The following TMEM50B variants were observed in gnomAD, a reference collection of about 807,000 sequenced individuals.
TMEM50B encodes transmembrane protein 50B.
TMEM50B carries 14 observed loss-of-function variants against 23.4 expected under a neutral mutation model. The ratio of observed to expected loss-of-function variants is 0.60; its 90% CI spans 0.39 to 0.93. TMEM50B has a LOEUF of 0.93. Among genes scored for constraint, TMEM50B ranks in the 40% least tolerant of loss-of-function variants. The pLI is 0.00. For missense variants in TMEM50B, 159 were observed against 193.0 expected, an observed-to-expected ratio of 0.82 and a Z score of 1.04; for synonymous variants, 64 against 62.3, an observed-to-expected ratio of 1.03 and a Z score of -0.13.
intron 3 of TMEM50B, 67 bp downstream of exon 3, chr21:33,466,943 A>G: frequency 8.1e-7 from 1 of 1,235,130 alleles, no homozygotes; most frequent in Non-Finnish European, 1.2e-6. Context: ...TCAAGAAAGC[A>G]CTGCACATTA....
Position 33,468,793 on chromosome 21 carries a change from A to G in TMEM50B, c.93T>C (p.Gly31=), listed in dbSNP as rs745527494. 27 of 1,613,490 alleles carry G rather than the reference A, an allele frequency of 1.7e-5. No homozygotes were observed. Among genetic ancestry groups the G allele is most frequent in the Admixed American group, 1.3e-4 (8 of 59,902 alleles). Residue 31 remains glycine, a synonymous_variant, in exon 2 of 7, where the codon GGT becomes GGC. Coordinates refer to ENST00000542230, the MANE Select transcript of TMEM50B (RefSeq NM_006134.7). The part of the protein sequence containing the change: ...RRNAVASVVA[G]ILFFTGWWIM... Reference sequence around the variant, plus strand: ...ACCAGTCTTTCTCACTTACCAATATACCTGCGACAACAGATGCCACAGCAT... The same window carrying G: ...ACCAGTCTTTCTCACTTACCAATATGCCTGCGACAACAGATGCCACAGCAT...
At chr21:33,442,906 G>C (rs965280030) in intron 7 of TMEM50B, among the ~76,000 whole-genome samples, 1 of 143,210 alleles carries the variant, frequency 7.0e-6, no homozygotes, top group Non-Finnish European at 1.5e-5. Context: ...GGCTAACAGA[G>C]AGAGACTCTG....
At chr21:33,459,608 C>T (rs1199720218) in intron 5 of TMEM50B, among the ~76,000 whole-genome samples, 2 of 147,202 alleles carry the variant, frequency 1.4e-5, no homozygotes, top group South Asian at 4.2e-4. Context: ...GCGGAGGTTG[C>T]AGTGAGCCGA....
At chr21:33,478,733 T>C (rs1042674961) in intron 1 of TMEM50B, 1 of 468,770 alleles carries the variant, frequency 2.1e-6, no homozygotes, top group Non-Finnish European at 4.4e-6. Flanking sequence ...TAACAAAGTC[T>C]TGCACCACTA....
intron 2 of TMEM50B, 62 bp downstream of exon 2, chr21:33,468,725 G>A (rs1385573691): frequency 1.5e-5 from 20 of 1,302,552 alleles, no homozygotes; most frequent in Middle Eastern, 1.9e-4. Flanking sequence ...CAAAGGAACC[G>A]GCATTAATTT....
intron 6 of TMEM50B, among the ~76,000 whole-genome samples, chr21:33,451,196 C>T (rs1013478410): frequency 1.3e-5 from 2 of 152,160 alleles, no homozygotes; most frequent in African/African-American, 4.8e-5. Flanking sequence ...CTCATAGTGA[C>T]AGGCATTAGG....
At position 33,450,774 on chromosome 21, in the gene TMEM50B, C is replaced by T; in HGVS notation, c.*44G>A. ...TACTGAGAGATAAAAAACCTATCTA[C>T]AAACAGAATATAACAAAAGGAAAAT... On this transcript the variant is annotated 3_prime_UTR_variant, in exon 7 of 7. Coordinates refer to ENST00000542230, the MANE Select transcript of TMEM50B (RefSeq NM_006134.7). 2 of 1,559,900 alleles carry T rather than the reference C, an allele frequency of 1.3e-6. No individual in the cohort carries two copies. Among genetic ancestry groups the T allele is most frequent in the African/African-American group, 2.7e-5 (2 of 73,186 alleles).
At chr21:33,436,337 A>G (rs1207718135) in intron 8 of TMEM50B, among the ~76,000 whole-genome samples, 1 of 152,186 alleles carries the variant, frequency 6.6e-6, no homozygotes, top group Non-Finnish European at 1.5e-5. Flanking sequence ...TCAAAAAAAA[A>G]AAATTGTTTC....
intron 8 of TMEM50B, among the ~76,000 whole-genome samples, chr21:33,434,876 A>G (rs1461224671): frequency 6.6e-6 from 1 of 152,194 alleles, no homozygotes; most frequent in Non-Finnish European, 1.5e-5. Flanking sequence ...GCCCCAGTAC[A>G]TGAATATACT....
intron 5 of TMEM50B, among the ~76,000 whole-genome samples, chr21:33,459,284 C>A (rs2084196717): frequency 6.6e-6 from 1 of 152,196 alleles, no homozygotes; most frequent in Admixed American, 6.5e-5. Context: ...AAGAGCTCAT[C>A]CCACTCCATC....
intron 7 of TMEM50B, chr21:33,439,414 C>T (rs972434046): frequency 2.0e-5 from 3 of 152,088 alleles, no homozygotes; most frequent in East Asian, 1.9e-4. Flanking sequence ...CAGTCTCACC[C>T]TGTTGCCCAG....
chr21:33,432,933 G>A (rs187271417), intron 8 of TMEM50B: 47 of 1,384,346 alleles, frequency 3.4e-5, no homozygotes, highest in East Asian at 4.8e-5. Context: ...TTGCCCAGGC[G>A]GGAGTGTCAT....
At chr21:33,453,076 TAGAG>T (rs938977828) in intron 6 of TMEM50B, among the ~76,000 whole-genome samples, 3 of 152,142 alleles carry the variant, frequency 2.0e-5, no homozygotes, top group Non-Finnish European at 2.9e-5. Context: ...AAAGTGACAA[TAGAG>T]AGATTAATTT....
chr21:33,470,599 T>C (rs2084305985), intron 1 of TMEM50B, among the ~76,000 whole-genome samples: 1 of 148,866 alleles, frequency 6.7e-6, no homozygotes, highest in African/African-American at 2.5e-5. Flanking sequence ...TAGCTGGGCA[T>C]GATGGCAGGC....
chr21:33,478,474 A>G (rs896402640), intron 1 of TMEM50B, among the ~76,000 whole-genome samples: 1 of 152,282 alleles, frequency 6.6e-6, no homozygotes, highest in South Asian at 2.1e-4. Context: ...CTCAAAAAAA[A>G]CAGAAAAGGA....
At chr21:33,440,345 T>C (rs2083996832) in intron 7 of TMEM50B, among the ~76,000 whole-genome samples, 1 of 152,184 alleles carries the variant, frequency 6.6e-6, no homozygotes, top group African/African-American at 2.4e-5. Context: ...CCCAGCACTT[T>C]GGGAGGCTGA....
rs17883129 is a variant in TMEM50B at position 33,432,890 on chromosome 21, C to T, written c.*2121-88G>A. On this transcript the variant is annotated intron_variant and NMD_transcript_variant, in intron 8 of 8. Coordinates refer to the TMEM50B transcript ENST00000420455. Reference sequence around the variant, plus strand: ...AGAAGAGGTACGTGTGCACACATCTCTTTTTTTTTTTTTGAGACAGGGTCT... The same window carrying T: ...AGAAGAGGTACGTGTGCACACATCTTTTTTTTTTTTTTTGAGACAGGGTCT... 442,581 of 1,465,184 alleles carry T rather than the reference C, an allele frequency of 0.3. 26,315 individuals are homozygous for T. Among genetic ancestry groups the T allele is most frequent in the Admixed American group, 0.37 (20,202 of 54,438 alleles). The allele number at this position is 1,465,184 out of a possible 1,614,324, so 90.8% of individuals were successfully genotyped here. A position where few individuals can be genotyped will look rare whatever the true frequency, so the allele number is the denominator to read the frequency against.
chr21:33,470,289 T>C (rs2084301182), intron 1 of TMEM50B, among the ~76,000 whole-genome samples: 1 of 151,374 alleles, frequency 6.6e-6, no homozygotes, highest in African/African-American at 2.4e-5. Flanking sequence ...CTGGCCAACA[T>C]GGTGAAATCC....
chr21:33,469,992 G>C (rs986704568), intron 1 of TMEM50B, among the ~76,000 whole-genome samples: 6 of 152,036 alleles, frequency 3.9e-5, no homozygotes, highest in African/African-American at 1.5e-4. Context: ...CTGGAAGAAG[G>C]AGAAAAATCA....
Sources: allele counts gnomAD v4.1 joint callset (sites outside exome capture counted in the v4.1 genomes callset), GRCh38; gene constraint gnomAD v4.1.1; transcripts MANE v1.5; gene names NCBI Gene and HGNC (gene_info 2026-07-23, HGNC 2026-07-21).